The following CD109 variants were observed in gnomAD, a reference collection of about 807,000 sequenced individuals.
CD109 encodes the protein CD109 molecule.
CD109 carries 149 observed loss-of-function variants against 165.8 expected under a neutral mutation model. The ratio of observed to expected loss-of-function variants is 0.90; its 90% CI spans 0.79 to 1.03. CD109 has a LOEUF of 1.03. Ranked by LOEUF, CD109 falls within the 50% of genes least tolerant of loss-of-function variation. The probability of loss-of-function intolerance (pLI) is 0.00; values close to 1 mark genes in which losing one functional copy is unlikely to be tolerated. For synonymous variants in CD109, 585 were observed against 592.1 expected, an observed-to-expected ratio of 0.99 and a Z score of 0.18; for missense variants, 1,712 against 1,677.8, an observed-to-expected ratio of 1.02 and a Z score of -0.36.
chr6:73,758,009 G>A (rs950701311), intron 6 of CD109, among the ~76,000 whole-genome samples: 1 of 152,138 alleles, frequency 6.6e-6, no homozygotes, highest in Non-Finnish European at 1.5e-5. Context: ...GCAAACCTAT[G>A]ATGTTTGAGG....
intron 13 of CD109, 41 bp from the exon 14 acceptor site, chr6:73,768,014 A>C (rs748866220): frequency 6.7e-7 from 1 of 1,491,068 alleles, no homozygotes; most frequent in Admixed American, 1.8e-5. Context: ...AGATCCTACT[A>C]GGTTTGGCAA....
the CD109 span, among the ~76,000 whole-genome samples, chr6:73,680,668 C>G: frequency 0.71 from 108,191 of 152,138 alleles, 38,930 homozygotes; most frequent in African/African-American, 0.81. Context: ...TTAGTCAGGA[C>G]TTCCTTCCTG....
At chr6:73,729,167 G>A (rs1772250588) in intron 3 of CD109, among the ~76,000 whole-genome samples, 1 of 152,206 alleles carries the variant, frequency 6.6e-6, no homozygotes. Context: ...TCCAGAGTGA[G>A]TGATCCAAGC....
At chr6:73,724,718 A>G (rs548530285) in intron 3 of CD109, among the ~76,000 whole-genome samples, 6 of 151,592 alleles carry the variant, frequency 4.0e-5, no homozygotes, top group Middle Eastern at 3.2e-3. Context: ...GGTTCAAGCA[A>G]TCTTCTCACC....
chr6:73,720,081 T>C (rs147862658), intron 2 of CD109, among the ~76,000 whole-genome samples: 40 of 152,122 alleles, frequency 2.6e-4, no homozygotes, highest in Non-Finnish European at 3.8e-4. Context: ...ATCTAAGATA[T>C]GGAATCGATG....
At chr6:73,793,524 T>C (rs1001748161) in intron 23 of CD109, among the ~76,000 whole-genome samples, 21 of 152,218 alleles carry the variant, frequency 1.4e-4, no homozygotes, top group Non-Finnish European at 2.5e-4. Context: ...CCTGTTTTTT[T>C]GCAGATGAGG....
At chr6:73,795,581 T>C (rs1775124927) in intron 23 of CD109, among the ~76,000 whole-genome samples, 1 of 152,140 alleles carries the variant, frequency 6.6e-6, no homozygotes, top group Admixed American at 6.5e-5. Flanking sequence ...ATCTGTTGGT[T>C]GTTAGAAGGT....
intron 2 of CD109, among the ~76,000 whole-genome samples, chr6:73,709,876 T>G (rs1319717339): frequency 6.6e-6 from 1 of 152,124 alleles, no homozygotes; most frequent in East Asian, 1.9e-4. Context: ...AAAAGGCCTT[T>G]GACAAAATTC....
intron 4 of CD109, among the ~76,000 whole-genome samples, chr6:73,733,492 G>A (rs1772439434): frequency 6.6e-6 from 1 of 152,160 alleles, no homozygotes; most frequent in Non-Finnish European, 1.5e-5. Context: ...TTTGGCAGTA[G>A]AAAAAACATA....
Position 73,765,138 on chromosome 6 carries a change from G to A in CD109, c.1108-792G>A, listed in dbSNP as rs148727639. 9.4e-3 allele frequency among the ~76,000 whole-genome samples: 1,438 copies of A among 152,172 alleles called. 17 individuals carry two copies. Among genetic ancestry groups the A allele is most frequent in the Non-Finnish European group, 0.014 (931 of 68,008 alleles). Reference sequence around the variant, plus strand: ...GCTTGGGCATGGGAGTGGGAGGTGGGGAGCAAGATAAGAAGTGAGACAAGA... The same window carrying A: ...GCTTGGGCATGGGAGTGGGAGGTGGAGAGCAAGATAAGAAGTGAGACAAGA... On this transcript the variant is annotated intron_variant, in intron 10 of 32. Transcript: ENST00000287097.
intron 22 of CD109, among the ~76,000 whole-genome samples, chr6:73,790,180 C>T (rs1021551056): frequency 1.3e-5 from 2 of 148,742 alleles, no homozygotes; most frequent in African/African-American, 2.5e-5. Context: ...CTGCAACCAC[C>T]GCCTACTGGG....
chr6:73,792,560 C>T, intron 22 of CD109, 66 bp from the exon 23 acceptor site: 3 of 1,433,176 alleles, frequency 2.1e-6, no homozygotes, highest in South Asian at 1.2e-5. Context: ...GTGGAAGTCT[C>T]TTTGCCACCA....
chr6:73,743,191 C>T (rs75948390), intron 5 of CD109, among the ~76,000 whole-genome samples: 1 of 152,240 alleles, frequency 6.6e-6, no homozygotes, highest in East Asian at 1.9e-4. Context: ...TTTACAACAG[C>T]TTCTCTGATG....
intron 22 of CD109, among the ~76,000 whole-genome samples, chr6:73,791,136 C>CAT (rs61429872): frequency 0.056 from 3,139 of 55,866 alleles, 52 homozygotes; most frequent in Non-Finnish European, 0.066. Flanking sequence ...TACATACATA[C>CAT]ATATATATAT....
At position 73,807,123 on chromosome 6, in the gene CD109, A is replaced by G. The variant is rs180824072; in HGVS notation, c.3189+51A>G. ...GATAGATGGGAAATTCAAGGAAGGT[A>G]GGTCTTAATGGGTCAAATATGTGTG... is the stretch of plus-strand genomic sequence containing the variant. On this transcript the variant is annotated intron_variant, in intron 25 of 32. Transcript: ENST00000287097. 7,312 of 1,381,066 alleles carry G rather than the reference A, an allele frequency of 5.3e-3. 32 individuals carry two copies. Among genetic ancestry groups the G allele is most frequent in the Non-Finnish European group, 6.5e-3 (6,314 of 977,020 alleles). The allele number at this position is 1,381,066 out of a possible 1,614,324, so 85.6% of individuals were successfully genotyped here. A position where few individuals can be genotyped will look rare whatever the true frequency, so the allele number is the denominator to read the frequency against.
At chr6:73,741,366 G>A (rs553021980) in intron 5 of CD109, among the ~76,000 whole-genome samples, 1 of 152,024 alleles carries the variant, frequency 6.6e-6, no homozygotes, top group Admixed American at 6.5e-5. Context: ...TCATTTCTTT[G>A]TCTAGAGCAC....
intron 23 of CD109, among the ~76,000 whole-genome samples, chr6:73,793,936 G>T: frequency 2.0e-5 from 3 of 152,144 alleles, no homozygotes; most frequent in Middle Eastern, 6.8e-3. Flanking sequence ...TTTAGTTTTT[G>T]TTTTTTTATA....
In CD109 at chr6:73,791,213, AT is replaced by A. The variant is rs1774951054; in HGVS notation, c.2702-1412del. Among the ~76,000 whole-genome samples, 5 of 133,372 alleles carry A rather than the reference AT, an allele frequency of 3.7e-5. No individual in the cohort carries two copies. The South Asian group carries it at 1.2e-3, about 32-fold the overall frequency. 87.5% of individuals were successfully genotyped at this position (133,372 alleles called of 152,430 possible). On this transcript the variant is annotated intron_variant, in intron 22 of 32. Coordinates refer to ENST00000287097, the MANE Select transcript of CD109 (RefSeq NM_133493.5). ...CATACATATATATATATATATATAT[AT>A]ATATATAATTTTTTTTTGGAAGAGG...
At chr6:73,761,524 T>C (rs909302181) in intron 7 of CD109, among the ~76,000 whole-genome samples, 6 of 152,136 alleles carry the variant, frequency 3.9e-5, no homozygotes, top group Admixed American at 6.6e-5. Context: ...TATTTTTTAT[T>C]TATTTATTTA....
Sources: allele counts gnomAD v4.1 joint callset (sites outside exome capture counted in the v4.1 genomes callset), GRCh38; gene constraint gnomAD v4.1.1; transcripts MANE v1.5; gene names NCBI Gene and HGNC (gene_info 2026-07-23, HGNC 2026-07-21).